The following PRKCA variants were observed in gnomAD, a reference collection of about 807,000 sequenced individuals.
PRKCA encodes protein kinase C alpha type.
A neutral mutation model predicts 87.0 loss-of-function variants in PRKCA; 27 were observed. That is an observed-to-expected ratio of 0.31 (90% CI 0.23 to 0.43). PRKCA has a LOEUF of 0.43. PRKCA is among the 20% of genes least tolerant of loss of function. The pLI is 1.00. For synonymous variants in PRKCA, 329 were observed against 311.1 expected, an observed-to-expected ratio of 1.06 and a Z score of -0.61; for missense variants, 518 against 852.3, an observed-to-expected ratio of 0.61 and a Z score of 4.88.
In PRKCA at chr17:66,804,457, T is replaced by G; in HGVS notation, c.*420T>G. The G allele has an allele frequency of 6.5e-6, 1 of 154,932 alleles. No individual in the cohort carries two copies. Among genetic ancestry groups the G allele is most frequent in the Non-Finnish European group, 1.4e-5 (1 of 69,864 alleles). The allele number at this position is 154,932 out of a possible 1,614,324, so 9.6% of individuals were successfully genotyped here. ...GAAACATCTCCACCCAAGACGTCTT[T>G]GGAATCCAAGAACAGGAAGCCAAGA... is the stretch of plus-strand genomic sequence containing the variant. On this transcript the variant is annotated 3_prime_UTR_variant, in exon 17 of 17. Coordinates refer to ENST00000413366, the MANE Select transcript of PRKCA (RefSeq NM_002737.3).
At chr17:66,665,823 G>C (rs1434397853) in intron 5 of PRKCA, among the ~76,000 whole-genome samples, 1 of 152,208 alleles carries the variant, frequency 6.6e-6, no homozygotes, top group African/African-American at 2.4e-5. Flanking sequence ...GTTTGGGATG[G>C]TGTTGGAGGG....
At chr17:66,448,111 C>T (rs1914127694) in intron 2 of PRKCA, among the ~76,000 whole-genome samples, 1 of 152,110 alleles carries the variant, frequency 6.6e-6, no homozygotes, top group South Asian at 2.1e-4. Context: ...AGAATAGAAT[C>T]GTGGTGAAAG....
At chr17:66,801,646 G>C (rs1411453889) in intron 16 of PRKCA, among the ~76,000 whole-genome samples, 1 of 152,216 alleles carries the variant, frequency 6.6e-6, no homozygotes, top group East Asian at 1.9e-4. Context: ...TTCTGCCTCT[G>C]CTGACCTTGG....
At chr17:66,738,347 A>G (rs573125651) in intron 10 of PRKCA, among the ~76,000 whole-genome samples, 2 of 152,360 alleles carry the variant, frequency 1.3e-5, no homozygotes, top group South Asian at 4.1e-4. Flanking sequence ...CCTCCCAGAC[A>G]CTGCAAACCA....
intron 3 of PRKCA, among the ~76,000 whole-genome samples, chr17:66,585,363 A>G (rs1180964045): frequency 2.0e-5 from 3 of 152,196 alleles, no homozygotes; most frequent in Non-Finnish European, 4.4e-5. Flanking sequence ...GCAAGCTTCC[A>G]GCTTGCTTAT....
chr17:66,304,920 C>A (rs558333742), intron 1 of PRKCA, among the ~76,000 whole-genome samples: 16 of 152,304 alleles, frequency 1.1e-4, no homozygotes, highest in African/African-American at 3.6e-4. Flanking sequence ...GAACAGACTG[C>A]TGGTGACTTT....
intron 3 of PRKCA, among the ~76,000 whole-genome samples, chr17:66,587,240 G>T (rs1969624779): frequency 6.6e-6 from 1 of 152,090 alleles, no homozygotes; most frequent in Non-Finnish European, 1.5e-5. Flanking sequence ...ATTTTTTGGG[G>T]ACTATCATCC....
chr17:66,642,058 A>AT (rs1278456214), intron 4 of PRKCA, among the ~76,000 whole-genome samples: 4 of 152,024 alleles, frequency 2.6e-5, no homozygotes, highest in African/African-American at 9.7e-5. Context: ...CTTTTCTGTT[A>AT]TTTTTTGTTA....
At chr17:66,797,812 T>C (rs1975703595) in intron 16 of PRKCA, among the ~76,000 whole-genome samples, 1 of 152,200 alleles carries the variant, frequency 6.6e-6, no homozygotes, top group Non-Finnish European at 1.5e-5. Flanking sequence ...TTCCCCTTTA[T>C]CTCTGTCCCA....
intron 3 of PRKCA, among the ~76,000 whole-genome samples, chr17:66,614,584 A>G (rs1175605342): frequency 6.6e-6 from 1 of 152,146 alleles, no homozygotes; most frequent in Admixed American, 6.5e-5. Context: ...TAACAGCTAA[A>G]TTTGGGAGAG....
intron 2 of PRKCA, among the ~76,000 whole-genome samples, chr17:66,321,026 G>A (rs1162761673): frequency 6.6e-6 from 1 of 152,166 alleles, no homozygotes; most frequent in African/African-American, 2.4e-5. Context: ...GATAGTTTCA[G>A]TGTTGTTGAT....
At chr17:66,664,577 A>G (rs1304761470) in intron 5 of PRKCA, among the ~76,000 whole-genome samples, 1 of 148,204 alleles carries the variant, frequency 6.7e-6, no homozygotes, top group Non-Finnish European at 1.5e-5. Context: ...AAGAAGAGAG[A>G]TTCGTCATCT....
At chr17:66,743,785 C>A (rs180985380) in intron 13 of PRKCA, among the ~76,000 whole-genome samples, 10 of 152,136 alleles carry the variant, frequency 6.6e-5, no homozygotes, top group Non-Finnish European at 1.3e-4. Flanking sequence ...CAGCCGGTCT[C>A]ACATTTATTC....
intron 16 of PRKCA, among the ~76,000 whole-genome samples, chr17:66,798,880 G>A (rs1975781337): frequency 6.6e-6 from 1 of 151,066 alleles, no homozygotes; most frequent in Non-Finnish European, 1.5e-5. Flanking sequence ...TGGTGGTGAT[G>A]GTGGTGGTGG....
intron 16 of PRKCA, among the ~76,000 whole-genome samples, chr17:66,798,468 T>C (rs900454038): frequency 1.1e-4 from 9 of 80,358 alleles, no homozygotes; most frequent in South Asian, 8.0e-4. Flanking sequence ...GTGGTGGTGG[T>C]GGTGGTGGTG....
chr17:66,781,891 T>TATATATATATA (rs1568030798), intron 14 of PRKCA, among the ~76,000 whole-genome samples: 15 of 135,516 alleles, frequency 1.1e-4, no homozygotes, highest in South Asian at 2.3e-4. Context: ...ATATATAGTG[T>TATATATATATA]GTGTGTGTGT....
chr17:66,404,824 A>T (rs1911264603), intron 2 of PRKCA, among the ~76,000 whole-genome samples: 1 of 132,196 alleles, frequency 7.6e-6, no homozygotes, highest in Non-Finnish European at 1.5e-5. Context: ...ATCTCGGCTC[A>T]CTGCAACCTC....
intron 2 of PRKCA, among the ~76,000 whole-genome samples, chr17:66,395,758 G>C (rs1910628679): frequency 6.6e-6 from 1 of 152,168 alleles, no homozygotes; most frequent in Non-Finnish European, 1.5e-5. Flanking sequence ...CGCTGAATGG[G>C]ATTCTCCAAG....
intron 3 of PRKCA, among the ~76,000 whole-genome samples, chr17:66,627,788 A>G (rs1970897517): frequency 6.6e-6 from 1 of 152,108 alleles, no homozygotes; most frequent in Non-Finnish European, 1.5e-5. Context: ...TAACTAACGC[A>G]TGGTTGGAAA....
Sources: allele counts gnomAD v4.1 joint callset (sites outside exome capture counted in the v4.1 genomes callset), GRCh38; gene constraint gnomAD v4.1.1; transcripts MANE v1.5; gene names NCBI Gene and HGNC (gene_info 2026-07-23, HGNC 2026-07-21).